The following CCDC134 variants were observed in gnomAD, a reference collection of about 807,000 sequenced individuals.
CCDC134 encodes coiled-coil domain-containing protein 134.
CCDC134 carries 27 observed loss-of-function variants against 25.6 expected under a neutral mutation model. That is an observed-to-expected ratio of 1.05 (90% CI 0.78 to 1.45). The LOEUF (loss-of-function observed/expected upper bound fraction) is 1.45. CCDC134 is among the 40% of genes most tolerant of loss of function. The pLI is 0.00. For missense variants in CCDC134, 261 were observed against 286.7 expected, an observed-to-expected ratio of 0.91 and a Z score of 0.65; for synonymous variants, 110 against 115.0, an observed-to-expected ratio of 0.96 and a Z score of 0.28.
At chr22:41,808,407 C>T (rs2076578603) in intron 1 of CCDC134, among the ~76,000 whole-genome samples, 1 of 152,000 alleles carries the variant, frequency 6.6e-6, no homozygotes, top group African/African-American at 2.4e-5. Context: ...AGATGCTTTC[C>T]TGGGAGACCA....
chr22:41,804,570 C>A (rs2076559281), intron 1 of CCDC134, among the ~76,000 whole-genome samples: 1 of 152,064 alleles, frequency 6.6e-6, no homozygotes, highest in Non-Finnish European at 1.5e-5. Flanking sequence ...ATTTAAAAAC[C>A]ATTTAAGGCT....
Position 41,813,437 on chromosome 22 carries a change from C to T in CCDC134, c.484C>T (p.Leu162Phe). Residue 162 changes from leucine (L) to phenylalanine (F), a missense_variant, in exon 5 of 7, where the codon CTC becomes TTC. Leu to Phe is a conservative substitution (Grantham distance 22, BLOSUM62 0). Coordinates refer to ENST00000255784, the MANE Select transcript of CCDC134 (RefSeq NM_024821.5). The part of the protein sequence containing the change: ...VFNQGPHSPI[L>F]SLMAQELGIS... The stretch of plus-strand genomic sequence containing the variant: ...CAACCAGGGGCCCCACTCGCCCATC[C>T]TCAGCCTGGTAAGGACTGGGGTGGA... 1 of 1,614,236 alleles carries T rather than the reference C, an allele frequency of 6.2e-7. No homozygotes were observed. The highest frequency in any genetic ancestry group is 8.5e-7 in the Non-Finnish European group (1 of 1,180,036).
At chr22:41,810,783 T>C (rs781186241) in intron 4 of CCDC134, among the ~76,000 whole-genome samples, 8 of 152,126 alleles carry the variant, frequency 5.3e-5, no homozygotes, top group Non-Finnish European at 1.2e-4. Flanking sequence ...CGAGAGCCAC[T>C]GCACCCGGCC....
chr22:41,818,390 A>G (rs2076632763), intron 6 of CCDC134, among the ~76,000 whole-genome samples: 1 of 152,226 alleles, frequency 6.6e-6, no homozygotes, highest in Admixed American at 6.5e-5. Context: ...TTGTTTGCAC[A>G]AACAGTTTAG....
chr22:41,813,835 G>T lies in CCDC134; in HGVS notation c.564+13G>T, dbSNP rs1372774872. The T allele has an allele frequency of 1.9e-6, 3 of 1,613,248 alleles. No homozygotes were observed. The highest frequency in any genetic ancestry group is 2.2e-5 in the South Asian group (2 of 91,056). ...CGACCGCACAGAGGTGAGCTGCCAGGGCCTATGCCTGTGTCTGCTTTGCCT... is the reference window on the plus strand; with the variant it reads ...CGACCGCACAGAGGTGAGCTGCCAGTGCCTATGCCTGTGTCTGCTTTGCCT... On this transcript the variant is annotated intron_variant, in intron 6 of 6. Transcript: ENST00000255784.
intron 4 of CCDC134, 139 bp downstream of exon 4, chr22:41,810,430 G>T: frequency 1.7e-6 from 1 of 605,860 alleles, no homozygotes; most frequent in Non-Finnish European, 2.8e-6. Context: ...CCCTTGGGCA[G>T]ATGGGCGTTT....
rs1233305819 is a variant in CCDC134 at position 41,825,659 on chromosome 22, G to A, written c.565-39G>A. Reference sequence around the variant, plus strand: ...CCTAGCTCAGAGCAGGCTCTTTGCTGCCACAGACTAAATCAGACTGCTCTT... The same window carrying A: ...CCTAGCTCAGAGCAGGCTCTTTGCTACCACAGACTAAATCAGACTGCTCTT... On this transcript the variant is annotated intron_variant, in intron 6 of 6. Transcript: ENST00000255784. The surrounding 1 kb of genome is among the most constrained non-coding windows in gnomAD (Gnocchi z 4.4). 2 of 1,611,788 alleles carry A rather than the reference G, an allele frequency of 1.2e-6. No individual in the cohort carries two copies. Among genetic ancestry groups the A allele is most frequent in the African/African-American group, 2.7e-5 (2 of 74,796 alleles).
chr22:41,819,152 A>G (rs2076636959), intron 6 of CCDC134, among the ~76,000 whole-genome samples: 1 of 152,062 alleles, frequency 6.6e-6, no homozygotes, highest in African/African-American at 2.4e-5. Flanking sequence ...GGCTCCCCTC[A>G]CATACTCCCT....
chr22:41,813,484 C>A (rs373803096), intron 5 of CCDC134, 39 bp downstream of exon 5: 1 of 1,608,252 alleles, frequency 6.2e-7, no homozygotes, highest in Non-Finnish European at 8.5e-7. Flanking sequence ...AGCCCTCTGT[C>A]GGGTAGTGGA....
intron 4 of CCDC134, among the ~76,000 whole-genome samples, chr22:41,811,444 C>A (rs1387911524): frequency 1.3e-5 from 2 of 151,560 alleles, no homozygotes; most frequent in African/African-American, 4.8e-5. Context: ...TCTTTTTTTT[C>A]TTTTGAGACA....
chr22:41,824,120 G>A (rs1381522659), intron 6 of CCDC134, among the ~76,000 whole-genome samples: 6 of 152,206 alleles, frequency 3.9e-5, no homozygotes, highest in Non-Finnish European at 8.8e-5. Context: ...GTCTGGGAGG[G>A]CGATGGGCAC....
In CCDC134 at chr22:41,826,189, G is replaced by A. The variant is rs28376511; in HGVS notation, c.*366G>A. The A allele has an allele frequency of 0.051, 10,149 of 200,872 alleles. 1,043 individuals are homozygous for A. Among genetic ancestry groups the A allele is most frequent in the African/African-American group, 0.22 (9,545 of 43,250 alleles). The allele number at this position is 200,872 out of a possible 1,614,324, so 12.4% of individuals were successfully genotyped here. A position where few individuals can be genotyped will look rare whatever the true frequency, so the allele number is the denominator to read the frequency against. Reference sequence around the variant, plus strand: ...GCAGCAGAACTAGGTTCTGAGCCACGGGTCAGGGTGCCACCCTGCTGCTGG... The same window carrying A: ...GCAGCAGAACTAGGTTCTGAGCCACAGGTCAGGGTGCCACCCTGCTGCTGG... On this transcript the variant is annotated 3_prime_UTR_variant, in exon 7 of 7. Transcript: ENST00000255784.
intron 1 of CCDC134, among the ~76,000 whole-genome samples, chr22:41,804,074 A>G (rs1323434811): frequency 6.6e-6 from 1 of 152,096 alleles, no homozygotes; most frequent in Non-Finnish European, 1.5e-5. Flanking sequence ...TGGAGCTTTC[A>G]TTGAGCCGAG....
At chr22:41,804,912 A>G (rs73163354) in intron 1 of CCDC134, among the ~76,000 whole-genome samples, 25,174 of 152,218 alleles carry the variant, frequency 0.17, 3,022 homozygotes, top group Admixed American at 0.36. Flanking sequence ...TCTACTAAAA[A>G]TACAAAAATT....
chr22:41,821,866 G>A (rs761017368), intron 6 of CCDC134, among the ~76,000 whole-genome samples: 6 of 152,094 alleles, frequency 3.9e-5, no homozygotes, highest in Admixed American at 6.6e-5. Flanking sequence ...TGTGGTGGTC[G>A]AGCTGTGGGG....
At chr22:41,820,442 G>T (rs539452220) in intron 6 of CCDC134, among the ~76,000 whole-genome samples, 1 of 152,312 alleles carries the variant, frequency 6.6e-6, no homozygotes, top group Admixed American at 6.5e-5. Flanking sequence ...TAGGATTACA[G>T]GCGCAGACTT....
chr22:41,814,360 G>A (rs967805447), intron 6 of CCDC134, among the ~76,000 whole-genome samples: 3 of 152,178 alleles, frequency 2.0e-5, no homozygotes, highest in Admixed American at 6.5e-5. Context: ...GAGGTCAGGA[G>A]TTCGAGACTA....
At chr22:41,805,124 C>T (rs1176510792) in intron 1 of CCDC134, among the ~76,000 whole-genome samples, 2 of 152,094 alleles carry the variant, frequency 1.3e-5, no homozygotes, top group Admixed American at 1.3e-4. Flanking sequence ...CAAATAACCA[C>T]ATTGCCGTAA....
chr22:41,817,756 A>AAATG (rs937725677), intron 6 of CCDC134, among the ~76,000 whole-genome samples: 10 of 151,476 alleles, frequency 6.6e-5, no homozygotes, highest in African/African-American at 2.4e-4. Flanking sequence ...ATAAATAAAT[A>AAATG]AATAAATAAA....
Sources: allele counts gnomAD v4.1 joint callset (sites outside exome capture counted in the v4.1 genomes callset), GRCh38; gene constraint gnomAD v4.1.1; non-coding constraint Gnocchi (gnomAD v3.1); transcripts MANE v1.5; gene names NCBI Gene and HGNC (gene_info 2026-07-23, HGNC 2026-07-21).